ZNF407: variants seen among roughly 807,000 people sequenced by gnomAD.
ZNF407 encodes zinc finger protein 407.
In ZNF407, 17 loss-of-function variants were observed where a neutral mutation model predicts 131.2. The ratio of observed to expected loss-of-function variants is 0.13; its 90% CI spans 0.09 to 0.19. The LOEUF is 0.19. Among genes scored for constraint, ZNF407 ranks in the 10% least tolerant of loss-of-function variants. ZNF407 has a pLI of 1.00. For missense variants in ZNF407, 2,681 were observed against 2,830.6 expected (o/e 0.95, Z 1.20); for synonymous variants, 1,156 against 1,062.0 (o/e 1.09, Z -1.72).
At chr18:75,052,392 A>G (rs1973511901) in intron 8 of ZNF407, among the ~76,000 whole-genome samples, 1 of 152,124 alleles carries the variant, frequency 6.6e-6, no homozygotes, top group African/African-American at 2.4e-5. Context: ...AGCAAAAAAA[A>G]CAACAACAAA....
intron 3 of ZNF407, among the ~76,000 whole-genome samples, chr18:74,648,797 T>C (rs1346209459): frequency 1.3e-5 from 2 of 152,210 alleles, no homozygotes; most frequent in East Asian, 1.9e-4. Flanking sequence ...CTGTAATTGT[T>C]TCCATACTTG....
chr18:74,745,383 AAAAT>A (rs2144930384), intron 3 of ZNF407, among the ~76,000 whole-genome samples: 1 of 152,318 alleles, frequency 6.6e-6, no homozygotes, highest in South Asian at 2.1e-4. Flanking sequence ...GGCAAAAAAA[AAAAT>A]ATTCTCAATC....
intron 3 of ZNF407, among the ~76,000 whole-genome samples, chr18:74,763,734 G>A (rs1195497312): frequency 1.6e-5 from 2 of 127,730 alleles, no homozygotes; most frequent in Non-Finnish European, 3.2e-5. Context: ...TTTTGAGACG[G>A]AGTCTCGCTC....
At chr18:74,812,762 T>C (rs559613925) in intron 4 of ZNF407, among the ~76,000 whole-genome samples, 75 of 152,152 alleles carry the variant, frequency 4.9e-4, no homozygotes, top group Admixed American at 1.2e-3. Context: ...TGCTATGATC[T>C]GTTCTCGTTG....
At chr18:74,892,118 C>T (rs1971393613) in intron 7 of ZNF407, among the ~76,000 whole-genome samples, 1 of 152,128 alleles carries the variant, frequency 6.6e-6, no homozygotes, top group African/African-American at 2.4e-5. Context: ...TCTATATTTA[C>T]TTATTGTAAC....
chr18:74,641,513 A>G (rs1233321612), intron 3 of ZNF407, among the ~76,000 whole-genome samples: 1 of 152,146 alleles, frequency 6.6e-6, no homozygotes, highest in Non-Finnish European at 1.5e-5. Context: ...TCACAGTAGT[A>G]GCTCTTTGGA....
intron 8 of ZNF407, among the ~76,000 whole-genome samples, chr18:75,002,618 C>T (rs1017687073): frequency 2.5e-4 from 38 of 152,098 alleles, no homozygotes; most frequent in Non-Finnish European, 4.0e-4. Context: ...CTGGCTAACA[C>T]GGTGAAACCC....
intron 8 of ZNF407, among the ~76,000 whole-genome samples, chr18:74,955,853 G>A (rs1234637762): frequency 3.3e-5 from 5 of 152,300 alleles, no homozygotes; most frequent in African/African-American, 1.2e-4. Flanking sequence ...TGCACACACG[G>A]TGCACGTGTT....
intron 4 of ZNF407, among the ~76,000 whole-genome samples, chr18:74,873,999 C>T (rs1434434815): frequency 6.6e-6 from 1 of 152,094 alleles, no homozygotes; most frequent in Non-Finnish European, 1.5e-5. Context: ...CTCTTTATAT[C>T]CAAGAGAAAC....
chr18:74,851,292 A>G (rs1970779620), intron 4 of ZNF407, among the ~76,000 whole-genome samples: 1 of 152,170 alleles, frequency 6.6e-6, no homozygotes, highest in African/African-American at 2.4e-5. Flanking sequence ...TCCTGTGCAT[A>G]CTTATGTGAG....
chr18:74,685,974 C>T (rs1350486862), intron 3 of ZNF407, among the ~76,000 whole-genome samples: 1 of 152,186 alleles, frequency 6.6e-6, no homozygotes, highest in African/African-American at 2.4e-5. Context: ...CCACTGGTTT[C>T]CCAAGGCACC....
In ZNF407 at chr18:74,657,052, A is replaced by G. The variant is rs554960404; in HGVS notation, c.4802+15930A>G. Among the ~76,000 whole-genome samples, 40 of 148,600 alleles carry G rather than the reference A, an allele frequency of 2.7e-4. No individual in the cohort carries two copies. The South Asian group carries it at 8.3e-3, about 31-fold the overall frequency. On this transcript the variant is annotated intron_variant, in intron 3 of 8. Transcript: ENST00000299687. ...GTAGGTGTGTTTTTATTTTACTAAT[A>G]TAAAGTAATTCCAGCCAAGTGTTGA...
intron 8 of ZNF407, among the ~76,000 whole-genome samples, chr18:74,945,965 G>A (rs1186124124): frequency 6.6e-6 from 1 of 152,098 alleles, no homozygotes; most frequent in Admixed American, 6.5e-5. Context: ...ACAGGCCTCC[G>A]TAACGCTGCA....
chr18:74,884,484 T>C (rs1971281155), intron 6 of ZNF407, among the ~76,000 whole-genome samples: 2 of 152,204 alleles, frequency 1.3e-5, no homozygotes, highest in South Asian at 4.1e-4. Flanking sequence ...AGAGCTCAGA[T>C]GTCTGAGCCT....
intron 8 of ZNF407, among the ~76,000 whole-genome samples, chr18:74,973,071 A>C (rs1972490141): frequency 6.6e-6 from 1 of 152,000 alleles, no homozygotes; most frequent in African/African-American, 2.4e-5. Context: ...TCTAGAAGTC[A>C]GTTTTCATTT....
intron 4 of ZNF407, among the ~76,000 whole-genome samples, chr18:74,848,063 A>G (rs928823307): frequency 2.0e-5 from 3 of 152,128 alleles, no homozygotes; most frequent in Non-Finnish European, 4.4e-5. Flanking sequence ...TCTAGAAATT[A>G]TTACCTTGAA....
chr18:75,005,275 G>A (rs1289017932), intron 8 of ZNF407, among the ~76,000 whole-genome samples: 1 of 152,052 alleles, frequency 6.6e-6, no homozygotes, highest in African/African-American at 2.4e-5. Flanking sequence ...TCCTCTACCT[G>A]AATTTTCATT....
intron 3 of ZNF407, among the ~76,000 whole-genome samples, chr18:74,697,568 A>G (rs1967388617): frequency 1.3e-5 from 2 of 152,162 alleles, no homozygotes; most frequent in South Asian, 4.1e-4. Context: ...TTGCTTTCAT[A>G]TTTGAGATCA....
chr18:75,016,322 A>G (rs1054051261), intron 8 of ZNF407, among the ~76,000 whole-genome samples: 1 of 152,122 alleles, frequency 6.6e-6, no homozygotes, highest in Admixed American at 6.6e-5. Flanking sequence ...CCTTAAAATT[A>G]GTTAAATATA....
Sources: gnomAD v4.1 joint callset for allele counts (sites outside exome capture counted in the v4.1 genomes callset) on GRCh38, gnomAD v4.1.1 for gene constraint, MANE v1.5 for transcripts, NCBI Gene and HGNC (gene_info 2026-07-23, HGNC 2026-07-21) for gene names.